SH3BP4: variants seen among roughly 807,000 people sequenced by gnomAD.
The protein encoded by SH3BP4 is SH3 domain binding protein 4.
In SH3BP4, 33 loss-of-function variants were observed where a neutral mutation model predicts 65.5. The ratio of observed to expected loss-of-function variants is 0.50; its 90% CI spans 0.38 to 0.67. SH3BP4 has a LOEUF of 0.67. Among genes scored for constraint, SH3BP4 ranks in the 30% least tolerant of loss-of-function variants. The pLI, the probability that SH3BP4 is intolerant of heterozygous loss-of-function variation, is 0.00. For missense variants in SH3BP4, 1,134 were observed against 1,261.4 expected, an observed-to-expected ratio of 0.90 and a Z score of 1.53; for synonymous variants, 552 against 545.5, an observed-to-expected ratio of 1.01 and a Z score of -0.17.
chr2:234,963,451 G>A (rs1225862879), intron 1 of SH3BP4, among the ~76,000 whole-genome samples: 1 of 152,190 alleles, frequency 6.6e-6, no homozygotes, highest in Non-Finnish European at 1.5e-5. Context: ...AACTTTAAGA[G>A]CGGCCGTACT....
intron 1 of SH3BP4, among the ~76,000 whole-genome samples, chr2:234,975,958 C>G (rs970383124): frequency 6.6e-6 from 1 of 152,236 alleles, no homozygotes; most frequent in Non-Finnish European, 1.5e-5. Flanking sequence ...GGCTTCCCCA[C>G]TTCTCTGCCT....
Position 235,041,678 on chromosome 2 carries a change from T to A in SH3BP4, c.909T>A (p.Leu303=). The A allele has an allele frequency of 6.2e-7, 1 of 1,613,468 alleles. No homozygotes were observed. The highest frequency in any genetic ancestry group is 8.5e-7 in the Non-Finnish European group (1 of 1,179,682). The change falls in exon 4 of 6, where the codon CTT becomes CTA. Residue 303 remains leucine (L), a synonymous_variant. Transcript: ENST00000392011. This position sits in a 1 kb window ranked among gnomAD's most constrained non-coding sequence, Gnocchi z 6.0. The part of the protein sequence containing the change: ...LARSCHDLDL[L]GQSPGWGQTQ... ...GGTCTTGCCACGACCTGGACTTGCT[T>A]GGCCAAAGCCCTGGTTGGGGCCAGA...
chr2:235,019,275 A>G (rs1694778902), intron 2 of SH3BP4, among the ~76,000 whole-genome samples: 2 of 152,098 alleles, frequency 1.3e-5, no homozygotes, highest in South Asian at 2.1e-4. Context: ...GATGGTGCAC[A>G]CAGCCGGGAG....
chr2:235,042,293 G>T lies in SH3BP4; in HGVS notation c.1524G>T (p.Glu508Asp). 1 of 1,614,148 alleles carries T rather than the reference G, an allele frequency of 6.2e-7. No homozygotes were observed. Among genetic ancestry groups the T allele is most frequent in the Middle Eastern group, 1.6e-4 (1 of 6,062 alleles). ...DCAPKTLLVS[E>D]VTRQAPNPAP... The stretch of plus-strand genomic sequence containing the variant: ...CCCCAAAGACGCTCCTGGTCAGCGA[G>T]GTCACACGCCAGGCACCCAACCCTG... Residue 508 changes from glutamate to aspartate, a missense_variant, in exon 4 of 6, where the codon GAG (glutamate) becomes GAT (aspartate). By Grantham distance (45) the Glu-to-Asp change is conservative (BLOSUM62 2). Transcript: ENST00000392011. The surrounding 1 kb of genome is among the most constrained non-coding windows in gnomAD (Gnocchi z 7.3).
At chr2:234,969,219 C>G (rs1209138250) in intron 1 of SH3BP4, among the ~76,000 whole-genome samples, 3 of 152,176 alleles carry the variant, frequency 2.0e-5, no homozygotes, top group Non-Finnish European at 4.4e-5. Context: ...CTTAGGCTAT[C>G]TCACTTATTG....
Position 234,977,139 on chromosome 2 carries a change from A to G in SH3BP4, c.-206-18164A>G, listed in dbSNP as rs1382517669. ...AAAGAAAAAGCTTATTTAAGAAAAT[A>G]GGTAAGAGTGGTTAGGAAGGCTGGT... On this transcript the variant is annotated intron_variant, in intron 1 of 5. Transcript: ENST00000392011. This position sits in a 1 kb window ranked among gnomAD's most constrained non-coding sequence, Gnocchi z 5.1. 6.6e-6 allele frequency among the ~76,000 whole-genome samples: 1 copy of G among 152,228 alleles called. No homozygotes were observed. Among genetic ancestry groups the G allele is most frequent in the Non-Finnish European group, 1.5e-5 (1 of 68,034 alleles).
intron 1 of SH3BP4, chr2:234,981,529 G>A (rs12479196): frequency 0.068 from 10,313 of 152,272 alleles, 530 homozygotes; most frequent in East Asian, 0.25. Flanking sequence ...AGGAATGCAC[G>A]GGTCTGGGGA....
At chr2:234,981,370 G>A (rs1479139235) in intron 1 of SH3BP4, among the ~76,000 whole-genome samples, 8 of 152,106 alleles carry the variant, frequency 5.3e-5, no homozygotes, top group African/African-American at 1.9e-4. Flanking sequence ...TGTTCAGATA[G>A]CTCATTCCAA....
chr2:235,020,270 C>G (rs1365800557), intron 2 of SH3BP4, among the ~76,000 whole-genome samples: 2 of 152,198 alleles, frequency 1.3e-5, no homozygotes, highest in African/African-American at 4.8e-5. Context: ...GCCAAGGCAG[C>G]AGATCACTTG....
At chr2:234,962,592 A>T (rs1029286238) in intron 1 of SH3BP4, among the ~76,000 whole-genome samples, 4 of 152,242 alleles carry the variant, frequency 2.6e-5, no homozygotes, top group Admixed American at 6.5e-5. Context: ...ACCACCCATG[A>T]TGACCACTCT....
intron 3 of SH3BP4, among the ~76,000 whole-genome samples, chr2:235,036,270 A>T (rs1695375392): frequency 6.6e-6 from 1 of 152,234 alleles, no homozygotes; most frequent in African/African-American, 2.4e-5. Context: ...TTTGTAAGAG[A>T]GCAACAGTGA....
rs200473395 is a variant in SH3BP4, at chr2:235,035,049, G to A, written c.47G>A (p.Arg16His). 163 of 1,614,002 alleles carry A rather than the reference G, an allele frequency of 1.0e-4. 1 individual carries two copies. The highest frequency in any genetic ancestry group is 1.2e-4 in the Non-Finnish European group (137 of 1,180,026). Residue 16 changes from arginine to histidine, a missense_variant, in exon 3 of 6, where the codon CGC becomes CAC. Arg to His is a conservative substitution (Grantham distance 29). Coordinates refer to ENST00000392011, the MANE Select transcript of SH3BP4 (RefSeq NM_014521.3). The surrounding 1 kb of genome is among the most constrained non-coding windows in gnomAD (Gnocchi z 5.0). The part of the protein sequence containing the change: ...IRAANSNGLP[R>H]CKSEGTLIDL... ...GCGGCCAACTCCAATGGCCTCCCTC[G>A]CTGCAAGTCAGAGGGGACCCTGATT...
At chr2:235,012,454 A>G (rs569261157) in intron 2 of SH3BP4, among the ~76,000 whole-genome samples, 1 of 152,314 alleles carries the variant, frequency 6.6e-6, no homozygotes, top group East Asian at 1.9e-4. Context: ...CCTGGTTGTC[A>G]TGTTTGGATC....
chr2:234,985,392 T>C (rs779745583), intron 1 of SH3BP4, among the ~76,000 whole-genome samples: 16 of 152,120 alleles, frequency 1.1e-4, no homozygotes, highest in Non-Finnish European at 2.2e-4. Flanking sequence ...TGTGCGTGAA[T>C]GAAGGGGAAT....
intron 2 of SH3BP4, among the ~76,000 whole-genome samples, chr2:235,011,908 C>T (rs1000658635): frequency 6.6e-6 from 1 of 152,198 alleles, no homozygotes; most frequent in African/African-American, 2.4e-5. Flanking sequence ...CTGCTGCATT[C>T]CAGGCTCTGG....
At chr2:234,988,556 G>A (rs1036385876) in intron 1 of SH3BP4, among the ~76,000 whole-genome samples, 3 of 152,270 alleles carry the variant, frequency 2.0e-5, no homozygotes, top group South Asian at 2.1e-4. Context: ...GTAGTCTTCC[G>A]GCCACACAGG....
At chr2:235,006,442 G>A (rs147347266) in intron 2 of SH3BP4, among the ~76,000 whole-genome samples, 2,219 of 151,940 alleles carry the variant, frequency 0.015, 23 homozygotes, top group Non-Finnish European at 0.024. Flanking sequence ...TGGATTTTTA[G>A]CTGTGATATA....
intron 2 of SH3BP4, among the ~76,000 whole-genome samples, chr2:235,011,735 A>G (rs1694513100): frequency 6.6e-6 from 1 of 152,196 alleles, no homozygotes; most frequent in Non-Finnish European, 1.5e-5. Context: ...AGTTCTGATA[A>G]CTCTCTGTTT....
At chr2:235,044,315 G>A (rs1036882999) in intron 4 of SH3BP4, among the ~76,000 whole-genome samples, 7 of 152,336 alleles carry the variant, frequency 4.6e-5, no homozygotes, top group Admixed American at 2.0e-4. Flanking sequence ...CGAGCCAACC[G>A]GGGAGCATTT....
Sources: gnomAD v4.1 joint callset for allele counts (sites outside exome capture counted in the v4.1 genomes callset) on GRCh38, gnomAD v4.1.1 for gene constraint, Gnocchi (gnomAD v3.1) non-coding constraint, MANE v1.5 for transcripts, NCBI Gene and HGNC (gene_info 2026-07-23, HGNC 2026-07-21) for gene names.